Variants in LINGO1 observed in about 807,000 individuals in gnomAD.
LINGO1 encodes leucine-rich repeat and immunoglobulin-like domain-containing nogo receptor-interacting protein 1.
In LINGO1, 11 loss-of-function variants were observed where a neutral mutation model predicts 37.3. The ratio of observed to expected loss-of-function variants is 0.29; its 90% CI spans 0.19 to 0.49. The LOEUF (loss-of-function observed/expected upper bound fraction) is 0.49. LINGO1 is among the 20% of genes least tolerant of loss of function. The pLI, the probability that LINGO1 is intolerant of heterozygous loss-of-function variation, is 0.99. For synonymous variants in LINGO1, 387 were observed against 403.0 expected (o/e 0.96, Z 0.48); for missense variants, 585 against 878.2 (o/e 0.67, Z 4.22).
At chr15:77,709,720 G>C (rs2075895327) in intron 2 of LINGO1, among the ~76,000 whole-genome samples, 1 of 152,226 alleles carries the variant, frequency 6.6e-6, no homozygotes, top group Non-Finnish European at 1.5e-5. Flanking sequence ...GCTTTGATGT[G>C]CCTGTCCTGA....
Position 77,631,284 on chromosome 15 carries a change from G to A in LINGO1, c.6+1026C>T, listed in dbSNP as rs542489755. On this transcript the variant is annotated intron_variant, in intron 1 of 1. Coordinates refer to ENST00000355300, the MANE Select transcript of LINGO1 (RefSeq NM_032808.7). Reference sequence around the variant, plus strand: ...GCGAGCAGGAAGGGGCTGTCCAGATGCCACAGCCCCTACCTCAGGGCCTCC... The same window carrying A: ...GCGAGCAGGAAGGGGCTGTCCAGATACCACAGCCCCTACCTCAGGGCCTCC... Among the ~76,000 whole-genome samples, 259 of 152,324 alleles carry A rather than the reference G, an allele frequency of 1.7e-3. 1 individual carries two copies. The highest frequency in any genetic ancestry group is 2.1e-3 in the Non-Finnish European group (144 of 68,012).
At position 77,652,527 on chromosome 15, in the gene LINGO1, TG is replaced by T. The variant is rs1567491911; in HGVS notation, c.-13+24561del. Among the ~76,000 whole-genome samples the T allele has an allele frequency of 6.2e-3, 928 of 149,058 alleles. 8 individuals carry two copies. Among genetic ancestry groups the T allele is most frequent in the African/African-American group, 0.022 (883 of 40,518 alleles). ...GTGTGTGTGTGTGTGTGTGTGTGTG[TG>T]TGTTGCCAGAATACGGAAATCACAT... On this transcript the variant is annotated intron_variant, in intron 3 of 3. Transcript: ENST00000559893.
chr15:77,682,819 C>T (rs530077852), intron 2 of LINGO1, among the ~76,000 whole-genome samples: 3 of 152,236 alleles, frequency 2.0e-5, no homozygotes, highest in Admixed American at 1.3e-4. Context: ...ACTTAAAACC[C>T]GCCCAGGAAG....
At chr15:77,703,865 G>A (rs1163800380) in intron 2 of LINGO1, among the ~76,000 whole-genome samples, 3 of 152,106 alleles carry the variant, frequency 2.0e-5, no homozygotes, top group Admixed American at 1.3e-4. Flanking sequence ...CTTAAGTAAG[G>A]CTGAACTCAC....
At chr15:77,665,795 G>GCACA (rs1454849466) in intron 3 of LINGO1, among the ~76,000 whole-genome samples, 1 of 152,202 alleles carries the variant, frequency 6.6e-6, no homozygotes, top group African/African-American at 2.4e-5. Flanking sequence ...CAGGGCCTTT[G>GCACA]CACAGGCAGT....
intron 2 of LINGO1, among the ~76,000 whole-genome samples, chr15:77,685,104 G>T (rs1278400602): frequency 6.6e-6 from 1 of 150,658 alleles, no homozygotes; most frequent in Admixed American, 6.6e-5. Flanking sequence ...TGTGGGGAGT[G>T]GGGGTAAGAG....
intron 3 of LINGO1, among the ~76,000 whole-genome samples, chr15:77,674,897 C>T (rs1019345454): frequency 6.6e-6 from 1 of 151,864 alleles, no homozygotes; most frequent in Non-Finnish European, 1.5e-5. Context: ...GTTCACTGTT[C>T]GGTCCCTAAC....
At chr15:77,709,126 A>G (rs2075887912) in intron 2 of LINGO1, among the ~76,000 whole-genome samples, 1 of 152,122 alleles carries the variant, frequency 6.6e-6, no homozygotes, top group Non-Finnish European at 1.5e-5. Flanking sequence ...CAGAGCTGTG[A>G]GAGAGTAATT....
chr15:77,766,267 T>A (rs1172031954), intron 1 of LINGO1, among the ~76,000 whole-genome samples: 1 of 120,780 alleles, frequency 8.3e-6, no homozygotes, highest in South Asian at 2.5e-4. Context: ...CACTGCACTC[T>A]AGCCTGGGTA....
At position 77,614,703 on chromosome 15, in the gene LINGO1, C is replaced by G. The variant is rs1312104667; in HGVS notation, c.1204G>C (p.Val402Leu). ...QQPTCATPEF[V>L]QGKEFKDFPD... ...AAGTCCTTGAACTCCTTGCCCTGGA[C>G]AAACTCGGGCGTGGCGCACGTGGGC... Residue 402 changes from valine to leucine, a missense_variant, in exon 2 of 2, where the codon GTC becomes CTC. Physicochemically the swap from Val to Leu is conservative, Grantham distance 32. This residue lies in a region of LINGO1 where 484 missense variants were observed against 735.0 expected (regional missense o/e 0.66). Coordinates refer to ENST00000355300, the MANE Select transcript of LINGO1 (RefSeq NM_032808.7). 11 of 1,609,998 alleles carry G rather than the reference C, an allele frequency of 6.8e-6. No individual in the cohort carries two copies. The highest frequency in any genetic ancestry group is 8.5e-6 in the Non-Finnish European group (10 of 1,178,212).
intron 1 of LINGO1, among the ~76,000 whole-genome samples, chr15:77,736,774 T>G (rs1206177352): frequency 5.9e-5 from 9 of 151,726 alleles, no homozygotes; most frequent in Admixed American, 2.6e-4. Flanking sequence ...ACTTCATCTC[T>G]AAAAAAGAAA....
chr15:77,746,122 C>T (rs1310293517), intron 1 of LINGO1, among the ~76,000 whole-genome samples: 1 of 149,814 alleles, frequency 6.7e-6, no homozygotes, highest in Non-Finnish European at 1.5e-5. Flanking sequence ...GCAGGAGGAT[C>T]ACTTGAGCCT....
chr15:77,741,274 C>T (rs368619421), intron 1 of LINGO1, among the ~76,000 whole-genome samples: 2 of 152,226 alleles, frequency 1.3e-5, no homozygotes, highest in East Asian at 1.9e-4. Context: ...CCTGGGAACA[C>T]GAGTCAGCAG....
intron 1 of LINGO1, among the ~76,000 whole-genome samples, chr15:77,781,863 A>G (rs4886914): frequency 0.76 from 115,424 of 152,216 alleles, 43,946 homozygotes; most frequent in Admixed American, 0.81. Flanking sequence ...GCCCCCGGCC[A>G]GAGCTGCTGC....
chr15:77,746,196 A>C (rs1273422991), intron 1 of LINGO1, among the ~76,000 whole-genome samples: 1 of 145,126 alleles, frequency 6.9e-6, no homozygotes, highest in African/African-American at 2.7e-5. Context: ...AGAGAGAGCG[A>C]GACCCTGTCT....
intron 3 of LINGO1, among the ~76,000 whole-genome samples, chr15:77,658,340 G>A (rs1432444985): frequency 6.6e-6 from 1 of 152,252 alleles, no homozygotes; most frequent in African/African-American, 2.4e-5. Context: ...GAGAGGAGAG[G>A]AGAGGCCAGG....
upstream of LINGO1, among the ~76,000 whole-genome samples, chr15:77,699,541 G>GCATACTGTCATCTCTGTGCACAGTAAGCA (rs2075745393): frequency 7.4e-4 from 2 of 2,712 alleles, no homozygotes; most frequent in East Asian, 0.013. Flanking sequence ...CACAGTAAGT[G>GCATACTGTCATCTCTGTGCACAGTAAGCA]CATACTAACC....
intron 2 of LINGO1, among the ~76,000 whole-genome samples, chr15:77,729,885 T>C (rs975978054): frequency 1.3e-5 from 2 of 152,228 alleles, no homozygotes; most frequent in African/African-American, 4.8e-5. Flanking sequence ...CATCCTATTT[T>C]CCCCTGCCTT....
Position 77,613,894 on chromosome 15 carries a change from G to A in LINGO1, c.*150C>T, listed in dbSNP as rs1231761165. 7.8e-5 allele frequency: 55 copies of A among 704,586 alleles called. 2 individuals carry two copies. The South Asian group carries it at 8.6e-4, about 11-fold the overall frequency. The allele number at this position is 704,586 out of a possible 1,614,324, so 43.6% of individuals were successfully genotyped here. ...AGGAGGGCAGGTGGTGAGGGCTGGCGGGGGGCAGCAGGGGACGGAGGCGGG... is the reference window on the plus strand; with the variant it reads ...AGGAGGGCAGGTGGTGAGGGCTGGCAGGGGGCAGCAGGGGACGGAGGCGGG... On this transcript the variant is annotated 3_prime_UTR_variant, in exon 2 of 2. Coordinates refer to ENST00000355300, the MANE Select transcript of LINGO1 (RefSeq NM_032808.7).
Sources: gnomAD v4.1 joint callset for allele counts (sites outside exome capture counted in the v4.1 genomes callset) on GRCh38, gnomAD v4.1.1 for gene constraint, gnomAD v4.1.1 regional missense constraint, MANE v1.5 for transcripts, NCBI Gene and HGNC (gene_info 2026-07-23, HGNC 2026-07-21) for gene names.